The following RAB38 variants were observed in gnomAD, a reference collection of about 807,000 sequenced individuals.
RAB38 encodes RAB38, member RAS oncogene family, also known as ras-related protein Rab-38.
RAB38 carries 15 observed loss-of-function variants against 18.4 expected under a neutral mutation model. That is an observed-to-expected ratio of 0.82 (90% confidence interval 0.55 to 1.26). The LOEUF (loss-of-function observed/expected upper bound fraction) is 1.26, where lower values mean the gene tolerates loss of function less well. RAB38 is among the 50% of genes most tolerant of loss of function. The probability of loss-of-function intolerance (pLI) is 0.00; values close to 1 mark genes in which losing one functional copy is unlikely to be tolerated. For synonymous variants in RAB38, 101 were observed against 104.4 expected, an observed-to-expected ratio of 0.97 and a Z score of 0.20; for missense variants, 294 against 267.4, an observed-to-expected ratio of 1.10 and a Z score of -0.69.
chr11:88,025,903 T>C, the RAB38 span, among the ~76,000 whole-genome samples: 8 of 152,166 alleles, frequency 5.3e-5, no homozygotes, highest in Admixed American at 5.2e-4. Context: ...AATTTTTTTG[T>C]TGCAGGTGAT....
chr11:88,116,296 T>C (rs145031230), intron 2 of RAB38, among the ~76,000 whole-genome samples: 203 of 152,268 alleles, frequency 1.3e-3, no homozygotes, highest in African/African-American at 4.7e-3. Flanking sequence ...CGCCCAGACT[T>C]CCACTTAAGA....
chr11:87,812,102 T>G, the RAB38 span, among the ~76,000 whole-genome samples: 1,904 of 152,326 alleles, frequency 0.012, 41 homozygotes, highest in African/African-American at 0.044. Flanking sequence ...CTGTTAACTA[T>G]GAAGCAGAGA....
At chr11:87,973,281 A>G in the RAB38 span, among the ~76,000 whole-genome samples, 1 of 152,080 alleles carries the variant, frequency 6.6e-6, no homozygotes, top group African/African-American at 2.4e-5. Context: ...AGACTACTAT[A>G]ATAATTATCA....
the RAB38 span, among the ~76,000 whole-genome samples, chr11:87,805,107 G>T: frequency 6.6e-6 from 1 of 152,156 alleles, no homozygotes; most frequent in African/African-American, 2.4e-5. Context: ...GCACTGAAAA[G>T]CTACTTTTCA....
the RAB38 span, among the ~76,000 whole-genome samples, chr11:87,912,762 C>CTTTTTTTTTTT: frequency 1.7e-4 from 15 of 86,520 alleles, no homozygotes; most frequent in East Asian, 3.8e-4. Context: ...AATTTTCTTT[C>CTTTTTTTTTTT]TTTCTTTTTT....
the RAB38 span, among the ~76,000 whole-genome samples, chr11:87,891,188 G>A: frequency 5.9e-5 from 9 of 152,010 alleles, no homozygotes; most frequent in South Asian, 1.5e-3. Flanking sequence ...ACCTTAGCAA[G>A]TCTGCTTTTC....
chr11:87,960,998 T>C, the RAB38 span, among the ~76,000 whole-genome samples: 3 of 152,190 alleles, frequency 2.0e-5, no homozygotes, highest in Non-Finnish European at 2.9e-5. Flanking sequence ...ATTCACAGCA[T>C]ATTGAAGGGA....
At chr11:88,157,911 C>CA (rs1292194578) in intron 1 of RAB38, among the ~76,000 whole-genome samples, 5 of 151,312 alleles carry the variant, frequency 3.3e-5, no homozygotes, top group Non-Finnish European at 5.9e-5. Flanking sequence ...AACATCAGAA[C>CA]AAAAAAACAC....
At chr11:87,969,308 C>G in the RAB38 span, among the ~76,000 whole-genome samples, 1 of 152,082 alleles carries the variant, frequency 6.6e-6, no homozygotes, top group African/African-American at 2.4e-5. Flanking sequence ...TATCCCCCCC[C>G]AATAGAGTAT....
At chr11:87,921,394 A>G in the RAB38 span, among the ~76,000 whole-genome samples, 1 of 151,844 alleles carries the variant, frequency 6.6e-6, no homozygotes, top group Non-Finnish European at 1.5e-5. Flanking sequence ...GATTTCGCCC[A>G]ACCGTAGGCT....
At chr11:87,900,661 TAGGAAGGAAGGAAGGAAGGAAGGAAGGA>T in the RAB38 span, among the ~76,000 whole-genome samples, 28 of 131,304 alleles carry the variant, frequency 2.1e-4, no homozygotes, top group East Asian at 5.8e-3. Flanking sequence ...GAAAGAAAGG[TAGGAAGGAAGGAAGGAAGGAAGGAAGGA>T]AGGAAGGAAG....
the RAB38 span, among the ~76,000 whole-genome samples, chr11:88,089,543 T>C: frequency 6.6e-6 from 1 of 151,972 alleles, no homozygotes; most frequent in Admixed American, 6.6e-5. Flanking sequence ...GATTCTTGTC[T>C]TCTTCCTAAG....
chr11:88,175,267 C>A lies in RAB38; in HGVS notation c.118G>T (p.Ala40Ser). Residue 40 changes from alanine to serine, a missense_variant, in exon 1 of 3, where the codon GCC (alanine) becomes TCC (serine). Transcript: ENST00000243662. ...VHQNFSSHYRATIGVDFALKV... is the reference protein window; with the variant it reads ...VHQNFSSHYRSTIGVDFALKV... ...AGCGCGAAGTCCACGCCGATTGTGG[C>A]CCGGTAGTGCGAAGAGAAGTTCTGG... 1 of 1,614,168 alleles carries A rather than the reference C, an allele frequency of 6.2e-7. No individual in the cohort carries two copies. Among genetic ancestry groups the A allele is most frequent in the Non-Finnish European group, 8.5e-7 (1 of 1,180,026 alleles).
intron 1 of RAB38, chr11:88,167,519 G>A (rs1007514764): frequency 6.6e-6 from 1 of 152,184 alleles, no homozygotes; most frequent in Non-Finnish European, 1.5e-5. Flanking sequence ...GGATGGGCAG[G>A]AGGCAACTGC....
the RAB38 span, among the ~76,000 whole-genome samples, chr11:88,041,591 G>A: frequency 6.6e-6 from 1 of 152,160 alleles, no homozygotes; most frequent in African/African-American, 2.4e-5. Flanking sequence ...ACTAAAGCTA[G>A]TTTAAAAAAT....
At chr11:88,015,590 T>C in the RAB38 span, among the ~76,000 whole-genome samples, 1 of 152,140 alleles carries the variant, frequency 6.6e-6, no homozygotes, top group African/African-American at 2.4e-5. Context: ...TTGTGGTGAT[T>C]TAGATGCTTG....
chr11:88,031,418 A>G, the RAB38 span, among the ~76,000 whole-genome samples: 1 of 151,476 alleles, frequency 6.6e-6, no homozygotes, highest in Admixed American at 6.6e-5. Flanking sequence ...GTATTCAATT[A>G]GGAAAAGAGG....
At chr11:87,923,473 A>G in the RAB38 span, among the ~76,000 whole-genome samples, 1 of 151,890 alleles carries the variant, frequency 6.6e-6, no homozygotes, top group Non-Finnish European at 1.5e-5. Context: ...TAGTAGGGAC[A>G]CACAAACAAA....
At chr11:87,977,864 TACAA>T in the RAB38 span, among the ~76,000 whole-genome samples, 3 of 110,158 alleles carry the variant, frequency 2.7e-5, no homozygotes, top group Non-Finnish European at 5.1e-5. Flanking sequence ...GTAATATACT[TACAA>T]ATATATATAA....
Sources: allele counts gnomAD v4.1 joint callset (sites outside exome capture counted in the v4.1 genomes callset), GRCh38; gene constraint gnomAD v4.1.1; transcripts MANE v1.5; gene names NCBI Gene and HGNC (gene_info 2026-07-23, HGNC 2026-07-21).